The following B3GALT1 variants were observed in gnomAD, a reference collection of about 807,000 sequenced individuals.
B3GALT1 encodes the protein UDP-Gal:betaGlcNAc beta 1,3-galactosyltransferase, polypeptide 1.
In B3GALT1, 10 loss-of-function variants were observed where a neutral mutation model predicts 23.2. The ratio of observed to expected loss-of-function variants is 0.43; its 90% CI spans 0.27 to 0.73. The LOEUF (loss-of-function observed/expected upper bound fraction) is 0.73. B3GALT1 is among the 30% of genes least tolerant of loss of function. B3GALT1 has a pLI of 0.21. For missense variants in B3GALT1, 299 were observed against 405.4 expected, an observed-to-expected ratio of 0.74 and a Z score of 2.25; for synonymous variants, 156 against 141.5, an observed-to-expected ratio of 1.10 and a Z score of -0.73.
chr2:167,331,635 A>G (rs1038314250), intron 1 of B3GALT1, among the ~76,000 whole-genome samples: 2 of 152,044 alleles, frequency 1.3e-5, no homozygotes, highest in African/African-American at 4.8e-5. Flanking sequence ...GGGCTGAGTG[A>G]TCCCCAGGCT....
intron 1 of B3GALT1, among the ~76,000 whole-genome samples, chr2:167,448,848 A>G (rs1031474551): frequency 1.3e-5 from 2 of 152,172 alleles, no homozygotes; most frequent in South Asian, 2.1e-4. Context: ...CCATTTGTTG[A>G]ATAGGGTGTG....
chr2:167,350,248 C>A (rs113131902), intron 1 of B3GALT1, among the ~76,000 whole-genome samples: 1 of 152,118 alleles, frequency 6.6e-6, no homozygotes, highest in African/African-American at 2.4e-5. Context: ...CCTTGAAGTA[C>A]AGTTTGTTCA....
chr2:167,388,183 T>C (rs1697955140), intron 1 of B3GALT1, among the ~76,000 whole-genome samples: 1 of 152,148 alleles, frequency 6.6e-6, no homozygotes, highest in African/African-American at 2.4e-5. Flanking sequence ...ATGAGTGATA[T>C]AGATATCACA....
chr2:167,645,553 ATTTTTTTTTTTTT>A (rs1195110974), intron 2 of B3GALT1, among the ~76,000 whole-genome samples: 3 of 87,046 alleles, frequency 3.4e-5, no homozygotes, highest in South Asian at 5.0e-4. Context: ...ACTGCCAATA[ATTTTTTTTTTTTT>A]TTTTTTTTTT....
In B3GALT1 at chr2:167,873,864, T is replaced by C. The variant is rs752454693; in HGVS notation, c.*3844T>C. 24 of 152,222 alleles carry C rather than the reference T, an allele frequency of 1.6e-4. No individual in the cohort carries two copies. Among genetic ancestry groups the C allele is most frequent in the Non-Finnish European group, 2.6e-4 (18 of 68,042 alleles). The allele number at this position is 152,222 out of a possible 1,614,324, so 9.4% of individuals were successfully genotyped here. Reference sequence around the variant, plus strand: ...ATACTATTTTTTTGTATCAATGTTATAAAACTAAAAATGACAGACACTGAA... The same window carrying C: ...ATACTATTTTTTTGTATCAATGTTACAAAACTAAAAATGACAGACACTGAA... On this transcript the variant is annotated 3_prime_UTR_variant, in exon 5 of 5. Transcript: ENST00000392690.
chr2:167,723,014 A>G (rs562305899), intron 3 of B3GALT1, among the ~76,000 whole-genome samples: 2 of 152,366 alleles, frequency 1.3e-5, no homozygotes, highest in South Asian at 2.1e-4. Flanking sequence ...CTGAAATACT[A>G]TAATTTTCTG....
At chr2:167,304,571 A>T (rs1696517303) in intron 1 of B3GALT1, among the ~76,000 whole-genome samples, 1 of 152,142 alleles carries the variant, frequency 6.6e-6, no homozygotes, top group African/African-American at 2.4e-5. Context: ...AAAATCTGTT[A>T]TTCAGGGCTC....
At chr2:167,563,476 T>G (rs13029895) in intron 2 of B3GALT1, among the ~76,000 whole-genome samples, 3 of 68,048 alleles carry the variant, frequency 4.4e-5, no homozygotes, top group South Asian at 7.8e-4. Flanking sequence ...CACTTCCCAG[T>G]AGGGGCGGCC....
chr2:167,326,848 C>A (rs1696903853), intron 1 of B3GALT1, among the ~76,000 whole-genome samples: 1 of 152,064 alleles, frequency 6.6e-6, no homozygotes, highest in Non-Finnish European at 1.5e-5. Flanking sequence ...CACCACAACA[C>A]CCGGCTAATT....
intron 3 of B3GALT1, among the ~76,000 whole-genome samples, chr2:167,670,004 G>T (rs1686295123): frequency 6.6e-6 from 1 of 152,222 alleles, no homozygotes; most frequent in Admixed American, 6.5e-5. Flanking sequence ...GAGACTTCAT[G>T]AAGAGGCTCA....
In B3GALT1 at chr2:167,660,696, T is replaced by G. The variant is rs78987287; in HGVS notation, c.-352+13730T>G. On this transcript the variant is annotated intron_variant, in intron 3 of 4. Coordinates refer to ENST00000392690, the MANE Select transcript of B3GALT1 (RefSeq NM_020981.4). Reference sequence around the variant, plus strand: ...CTAGAAGGTGTTAGCCACACCCCTATAAGCAGATATTTAGGTAATCCTCCT... The same window carrying G: ...CTAGAAGGTGTTAGCCACACCCCTAGAAGCAGATATTTAGGTAATCCTCCT... 1.8e-4 allele frequency among the ~76,000 whole-genome samples: 28 copies of G among 152,254 alleles called. No homozygotes were observed. The East Asian group carries it at 5.2e-3, about 28-fold the overall frequency.
chr2:167,742,626 G>A lies in B3GALT1; in HGVS notation c.-351-76046G>A, dbSNP rs147854872. Among the ~76,000 whole-genome samples, 869 of 152,208 alleles carry A rather than the reference G, an allele frequency of 5.7e-3. 6 individuals carry two copies. The highest frequency in any genetic ancestry group is 0.02 in the African/African-American group (827 of 41,538). On this transcript the variant is annotated intron_variant, in intron 3 of 4. Coordinates refer to ENST00000392690, the MANE Select transcript of B3GALT1 (RefSeq NM_020981.4). ...AAAGAAGTTGCATCTAGAACTTCAT[G>A]CTAACCACTTAGGACCTTATTTGTT...
intron 1 of B3GALT1, among the ~76,000 whole-genome samples, chr2:167,355,963 C>A (rs1697394160): frequency 6.6e-6 from 1 of 152,076 alleles, no homozygotes; most frequent in Non-Finnish European, 1.5e-5. Context: ...AGAGATCAAA[C>A]CCTAGTGCTA....
intron 2 of B3GALT1, among the ~76,000 whole-genome samples, chr2:167,620,449 A>C (rs1217371533): frequency 6.6e-6 from 1 of 152,124 alleles, no homozygotes; most frequent in Non-Finnish European, 1.5e-5. Flanking sequence ...TGAGCAAAAT[A>C]CAAAATCATT....
chr2:167,456,537 A>G (rs1313544346), intron 1 of B3GALT1, among the ~76,000 whole-genome samples: 1 of 152,204 alleles, frequency 6.6e-6, no homozygotes, highest in African/African-American at 2.4e-5. Flanking sequence ...GAAGAAAACT[A>G]AAAAACATCT....
At chr2:167,712,604 G>A (rs574614229) in intron 3 of B3GALT1, among the ~76,000 whole-genome samples, 1 of 152,136 alleles carries the variant, frequency 6.6e-6, no homozygotes, top group South Asian at 2.1e-4. Context: ...ATCTGAAGGT[G>A]CCTTGCTCAC....
chr2:167,678,729 A>T (rs961823754), intron 3 of B3GALT1, among the ~76,000 whole-genome samples: 1 of 152,236 alleles, frequency 6.6e-6, no homozygotes, highest in South Asian at 2.1e-4. Context: ...GCTAGATCAC[A>T]GTATAGCAGC....
At chr2:167,795,491 T>G (rs1688531354) in intron 3 of B3GALT1, among the ~76,000 whole-genome samples, 1 of 152,212 alleles carries the variant, frequency 6.6e-6, no homozygotes, top group Admixed American at 6.5e-5. Flanking sequence ...AATAATCAGT[T>G]ATTTTATATC....
At chr2:167,470,487 TTAAATAA>T (rs1235760327) in intron 1 of B3GALT1, among the ~76,000 whole-genome samples, 1 of 152,200 alleles carries the variant, frequency 6.6e-6, no homozygotes, top group Non-Finnish European at 1.5e-5. Flanking sequence ...GAATTGGATT[TTAAATAA>T]TAGTGTATGG....
Sources: allele counts gnomAD v4.1 joint callset (sites outside exome capture counted in the v4.1 genomes callset), GRCh38; gene constraint gnomAD v4.1.1; transcripts MANE v1.5; gene names NCBI Gene and HGNC (gene_info 2026-07-23, HGNC 2026-07-21).